Variants in ITSN2 observed in about 807,000 individuals in gnomAD.
The protein encoded by ITSN2 is intersectin-2.
Under a neutral mutation model 243.7 loss-of-function variants are expected in ITSN2, and 156 were observed. The ratio of observed to expected loss-of-function variants is 0.64; its 90% CI spans 0.56 to 0.73. The LOEUF is 0.73. ITSN2 is among the 30% of genes least tolerant of loss of function. ITSN2 has a pLI of 0.00. For missense variants in ITSN2, 1,801 were observed against 1,996.1 expected (o/e 0.90, Z 1.86); for synonymous variants, 703 against 699.9 (o/e 1.00, Z -0.07).
At chr2:24,243,821 G>C (rs1673020094) in intron 29 of ITSN2, among the ~76,000 whole-genome samples, 1 of 152,136 alleles carries the variant, frequency 6.6e-6, no homozygotes. Context: ...TCTAATACAG[G>C]AGCCACAGGC....
chr2:24,208,692 A>G (rs968501135), intron 36 of ITSN2, among the ~76,000 whole-genome samples: 1 of 152,218 alleles, frequency 6.6e-6, no homozygotes, highest in Non-Finnish European at 1.5e-5. Flanking sequence ...AGCTGGGAAC[A>G]GCGGGGATGG....
chr2:24,308,850 A>C (rs570320226), intron 7 of ITSN2, 94 bp from the exon 8 acceptor site: 4 of 830,654 alleles, frequency 4.8e-6, no homozygotes, highest in Non-Finnish European at 7.3e-6. Context: ...CTTATATACC[A>C]GGGGTCCTGA....
At chr2:24,343,017 T>C (rs1687186259) in intron 1 of ITSN2, among the ~76,000 whole-genome samples, 1 of 149,852 alleles carries the variant, frequency 6.7e-6, no homozygotes, top group African/African-American at 2.5e-5. Context: ...CTTGAGTCTG[T>C]AAGATGGGGG....
chr2:24,309,886 G>C (rs1176663037), intron 7 of ITSN2, among the ~76,000 whole-genome samples: 1 of 152,148 alleles, frequency 6.6e-6, no homozygotes, highest in Non-Finnish European at 1.5e-5. Context: ...AATGAATACT[G>C]ATGCATTTGT....
Position 24,308,656 on chromosome 2 carries a change from AT to A in ITSN2, c.753del (p.Lys251AsnfsTer9). On this transcript the variant is annotated frameshift_variant, in exon 8 of 40. Coordinates refer to ENST00000355123, the MANE Select transcript of ITSN2 (RefSeq NM_006277.3). LOFTEE classifies it high-confidence loss of function. ...PQPTRLKYRQ[K>X]FNTLDKSMSG... Reference sequence around the variant, plus strand: ...CTCATACTTTTGTCAAGAGTATTAAATTTTTGCCGATATTTTAATCTTGTAG... The same window carrying A: ...CTCATACTTTTGTCAAGAGTATTAAATTTTGCCGATATTTTAATCTTGTAG... 1 of 1,539,090 alleles carries A rather than the reference AT, an allele frequency of 6.5e-7. No homozygotes were observed. The highest frequency in any genetic ancestry group is 8.8e-7 in the Non-Finnish European group (1 of 1,137,912).
At chr2:24,307,674 T>C (rs1259639459) in intron 8 of ITSN2, among the ~76,000 whole-genome samples, 3 of 152,232 alleles carry the variant, frequency 2.0e-5, no homozygotes, top group African/African-American at 7.2e-5. Context: ...AAATACTGTA[T>C]ATTTTTGCTT....
chr2:24,242,349 T>A (rs760194455), intron 29 of ITSN2: 9 of 152,548 alleles, frequency 5.9e-5, no homozygotes, highest in Non-Finnish European at 1.0e-4. Flanking sequence ...TCTAATTATG[T>A]AACAAAATGA....
chr2:24,305,414 C>A (rs1468421074), intron 8 of ITSN2, among the ~76,000 whole-genome samples: 1 of 151,870 alleles, frequency 6.6e-6, no homozygotes, highest in African/African-American at 2.4e-5. Flanking sequence ...CCAGCCTGGC[C>A]AACATGGCAA....
chr2:24,243,054 A>T (rs1672920220), intron 29 of ITSN2, among the ~76,000 whole-genome samples: 1 of 152,138 alleles, frequency 6.6e-6, no homozygotes, highest in Non-Finnish European at 1.5e-5. Context: ...CATCCCCAAC[A>T]TTTGCCCTTC....
At chr2:24,347,383 T>A (rs946813381) in intron 1 of ITSN2, among the ~76,000 whole-genome samples, 2 of 151,148 alleles carry the variant, frequency 1.3e-5, no homozygotes, top group African/African-American at 4.9e-5. Flanking sequence ...ATAATGTAAT[T>A]AAAAAAAAAA....
intron 17 of ITSN2, among the ~76,000 whole-genome samples, chr2:24,282,005 TG>T (rs1320694155): frequency 2.6e-5 from 4 of 152,206 alleles, no homozygotes; most frequent in Non-Finnish European, 5.9e-5. Context: ...AGGGAAGTAC[TG>T]GGTAGAGAAA....
intron 1 of ITSN2, among the ~76,000 whole-genome samples, chr2:24,342,261 A>C (rs1271131710): frequency 2.0e-5 from 3 of 151,974 alleles, no homozygotes; most frequent in Non-Finnish European, 4.4e-5. Context: ...GCAGTGGCAT[A>C]ATCACGGTGC....
intron 1 of ITSN2, chr2:24,330,728 T>C (rs1685691551): frequency 1.6e-6 from 1 of 609,604 alleles, no homozygotes; most frequent in Admixed American, 2.4e-5. Flanking sequence ...TTTGAAATAC[T>C]ATTTTTTATC....
In ITSN2 at chr2:24,275,707, T is replaced by C; in HGVS notation, c.2081+6A>G. The C allele has an allele frequency of 1.2e-6, 2 of 1,604,384 alleles. No individual in the cohort carries two copies. The highest frequency in any genetic ancestry group is 2.2e-5 in the South Asian group (2 of 90,176). On this transcript the variant is annotated splice_donor_region_variant and intron_variant, in intron 18 of 39. Coordinates refer to ENST00000355123, the MANE Select transcript of ITSN2 (RefSeq NM_006277.3). Reference sequence around the variant, plus strand: ...TATAGCACAATAAATATATCAGCTATATTACCTTGCAGCCTCATCTTCTAG... The same window carrying C: ...TATAGCACAATAAATATATCAGCTACATTACCTTGCAGCCTCATCTTCTAG...
chr2:24,291,681 C>A (rs1482718762), intron 15 of ITSN2, among the ~76,000 whole-genome samples: 10 of 151,710 alleles, frequency 6.6e-5, no homozygotes, highest in Non-Finnish European at 1.3e-4. Context: ...GTAGAGATGG[C>A]GTATCACCAT....
intron 29 of ITSN2, chr2:24,240,258 G>C (rs916632704): frequency 6.6e-6 from 1 of 152,142 alleles, no homozygotes; most frequent in Admixed American, 6.6e-5. Context: ...TAAAAGGCAA[G>C]AACAGGTAAT....
rs60485384 is a variant in ITSN2, at chr2:24,284,937, G to A, written c.1864-94C>T. ...TTTTGAGATGGAGTCTCACTCTGTC[G>A]CCAGGCTGGACTGCAGTGGCGCAAT... On this transcript the variant is annotated intron_variant, in intron 16 of 39. Transcript: ENST00000355123. 53,202 of 605,508 alleles carry A rather than the reference G, an allele frequency of 0.088. 3,568 individuals carry two copies. Among genetic ancestry groups the A allele is most frequent in the African/African-American group, 0.29 (12,886 of 44,266 alleles). The allele number at this position is 605,508 out of a possible 1,614,324, so 37.5% of individuals were successfully genotyped here.
At chr2:24,230,343 TATC>T (rs1000003473) in intron 29 of ITSN2, among the ~76,000 whole-genome samples, 3 of 152,168 alleles carry the variant, frequency 2.0e-5, no homozygotes, top group African/African-American at 4.8e-5. Flanking sequence ...TGATCCAAGT[TATC>T]ATCATCTTGT....
chr2:24,215,087 TA>T (rs1669835667), intron 32 of ITSN2, among the ~76,000 whole-genome samples: 2 of 152,244 alleles, frequency 1.3e-5, no homozygotes, highest in Admixed American at 1.3e-4. Context: ...CTCATTACAT[TA>T]TACACAGTGT....
Sources: allele counts gnomAD v4.1 joint callset (sites outside exome capture counted in the v4.1 genomes callset), GRCh38; gene constraint gnomAD v4.1.1; transcripts MANE v1.5; gene names NCBI Gene and HGNC (gene_info 2026-07-23, HGNC 2026-07-21).